Variants in NLGN1 observed in about 807,000 individuals in gnomAD.
The protein encoded by NLGN1 is neuroligin 1.
Under a neutral mutation model 65.5 loss-of-function variants are expected in NLGN1, and 12 were observed. The observed-to-expected ratio is 0.18, with a 90% CI of 0.12 to 0.30. The LOEUF (loss-of-function observed/expected upper bound fraction) is 0.30, where lower values mean the gene tolerates loss of function less well. Ranked by LOEUF, NLGN1 falls within the 10% of genes least tolerant of loss-of-function variation. The pLI is 1.00. For synonymous variants in NLGN1, 350 were observed against 359.5 expected (o/e 0.97, Z 0.30); for missense variants, 750 against 1,007.1 (o/e 0.74, Z 3.46).
rs184999378 is a variant in NLGN1, at chr3:173,511,595, T to C, written c.-321+76517T>C. 3.1e-3 allele frequency among the ~76,000 whole-genome samples: 468 copies of C among 152,344 alleles called. 7 individuals are homozygous for C. Among genetic ancestry groups the C allele is most frequent in the Admixed American group, 0.028 (434 of 15,302 alleles). On this transcript the variant is annotated intron_variant, in intron 2 of 6. Coordinates refer to ENST00000457714, the Ensembl canonical transcript of NLGN1. ...CTTTCTTTTCCTTCTGGTGTTCCCA[T>C]CACATGCTTGTTAGACCTTTTTTGG...
At chr3:173,681,229 A>T (rs562043459) in intron 3 of NLGN1, among the ~76,000 whole-genome samples, 1 of 152,330 alleles carries the variant, frequency 6.6e-6, no homozygotes, top group South Asian at 2.1e-4. Context: ...TGGTAAAGAA[A>T]TAGAAACATG....
At chr3:174,155,310 C>T (rs1725240333) in intron 4 of NLGN1, among the ~76,000 whole-genome samples, 1 of 151,196 alleles carries the variant, frequency 6.6e-6, no homozygotes, top group Non-Finnish European at 1.5e-5. Context: ...GAGAGGAACT[C>T]AGACTCCTTA....
intron 3 of NLGN1, among the ~76,000 whole-genome samples, chr3:173,738,195 G>A (rs1487108208): frequency 2.6e-5 from 4 of 151,872 alleles, no homozygotes; most frequent in Middle Eastern, 3.4e-3. Flanking sequence ...TTCATTTTAT[G>A]TGTAGTCTTT....
chr3:173,895,168 T>G (rs575795379), intron 4 of NLGN1, among the ~76,000 whole-genome samples: 2 of 152,254 alleles, frequency 1.3e-5, no homozygotes, highest in East Asian at 3.9e-4. Flanking sequence ...ACATTCACTT[T>G]GTATCCTTCC....
chr3:174,283,779 G>A (rs939374959), exon 7 of NLGN1: 1 of 151,364 alleles, frequency 6.6e-6, no homozygotes, highest in African/African-American at 2.4e-5. Flanking sequence ...TTTGACTGAG[G>A]TGGTTATGCT....
At chr3:173,502,036 C>A (rs1476434536) in intron 2 of NLGN1, among the ~76,000 whole-genome samples, 1 of 152,084 alleles carries the variant, frequency 6.6e-6, no homozygotes, top group Middle Eastern at 3.2e-3. Flanking sequence ...TAATGCTTGT[C>A]ATGACCTAGA....
intron 4 of NLGN1, among the ~76,000 whole-genome samples, chr3:173,861,827 C>T (rs915004314): frequency 8.0e-5 from 12 of 150,782 alleles, no homozygotes; most frequent in East Asian, 2.0e-4. Flanking sequence ...GGTGTGATCT[C>T]GGCTCACTGC....
At chr3:174,043,460 G>A (rs902163864) in intron 4 of NLGN1, among the ~76,000 whole-genome samples, 24 of 152,216 alleles carry the variant, frequency 1.6e-4, no homozygotes, top group African/African-American at 5.3e-4. Context: ...TAGGGGTACA[G>A]GCATAGGTAA....
At chr3:173,830,285 T>C (rs114637985) in intron 4 of NLGN1, among the ~76,000 whole-genome samples, 217 of 152,258 alleles carry the variant, frequency 1.4e-3, no homozygotes, top group African/African-American at 5.1e-3. Flanking sequence ...CCAAGGGAAG[T>C]CATGTAGCCA....
At chr3:174,051,045 A>T (rs1734723098) in intron 4 of NLGN1, among the ~76,000 whole-genome samples, 1 of 152,098 alleles carries the variant, frequency 6.6e-6, no homozygotes, top group South Asian at 2.1e-4. Flanking sequence ...AGAGGCCTCC[A>T]GCTCCCTAAA....
chr3:173,918,709 T>G (rs926061435), intron 4 of NLGN1, among the ~76,000 whole-genome samples: 23 of 145,896 alleles, frequency 1.6e-4, no homozygotes, highest in Non-Finnish European at 2.7e-4. Context: ...TGTGTATATA[T>G]ATATATTGCA....
chr3:173,419,221 A>G (rs1410103502), intron 1 of NLGN1, among the ~76,000 whole-genome samples: 1 of 151,092 alleles, frequency 6.6e-6, no homozygotes, highest in African/African-American at 2.4e-5. Flanking sequence ...GACAAAGTAC[A>G]TGAGTATACA....
intron 1 of NLGN1, among the ~76,000 whole-genome samples, chr3:173,422,928 A>G (rs1156624266): frequency 1.3e-5 from 2 of 152,200 alleles, no homozygotes; most frequent in Non-Finnish European, 2.9e-5. Context: ...TGCTATAAAG[A>G]TACTATCTGA....
At position 173,714,441 on chromosome 3, in the gene NLGN1, G is replaced by A. The variant is rs529194913; in HGVS notation, c.494-93239G>A. On this transcript the variant is annotated intron_variant, in intron 3 of 6. Coordinates refer to ENST00000457714, the Ensembl canonical transcript of NLGN1. ...TATATTGGATTAATTCTTAGGCTAG[G>A]AGAAATGGTGATGAAAAAGGCACTG... Among the ~76,000 whole-genome samples, 177 of 152,272 alleles carry A rather than the reference G, an allele frequency of 1.2e-3. 2 individuals are homozygous for A. The highest frequency in any genetic ancestry group is 4.1e-3 in the African/African-American group (172 of 41,556).
intron 3 of NLGN1, among the ~76,000 whole-genome samples, chr3:173,707,980 G>A (rs532019911): frequency 1.7e-4 from 26 of 152,158 alleles, no homozygotes; most frequent in African/African-American, 6.3e-4. Context: ...TATCATAAAT[G>A]TATCACCACA....
chr3:174,093,975 T>C (rs920446733), intron 4 of NLGN1, among the ~76,000 whole-genome samples: 17 of 152,132 alleles, frequency 1.1e-4, no homozygotes, highest in African/African-American at 2.2e-4. Flanking sequence ...GTGAGGAAAT[T>C]TTGTTTTCCA....
intron 4 of NLGN1, among the ~76,000 whole-genome samples, chr3:173,831,587 A>G (rs907513285): frequency 3.3e-5 from 5 of 152,204 alleles, no homozygotes; most frequent in Admixed American, 2.0e-4. Context: ...TTAAATTTCA[A>G]ATAAAAAAGT....
chr3:174,170,013 C>T (rs1195883085), intron 4 of NLGN1, among the ~76,000 whole-genome samples: 1 of 152,230 alleles, frequency 6.6e-6, no homozygotes, highest in East Asian at 1.9e-4. Flanking sequence ...CTCTCACATA[C>T]TGGGGCTTCA....
intron 3 of NLGN1, among the ~76,000 whole-genome samples, chr3:173,727,865 G>T (rs1772064373): frequency 6.6e-6 from 1 of 152,142 alleles, no homozygotes; most frequent in Non-Finnish European, 1.5e-5. Context: ...GAAGGCAATG[G>T]AGACAATAAA....
Sources: gnomAD v4.1 joint callset for allele counts (sites outside exome capture counted in the v4.1 genomes callset) on GRCh38, gnomAD v4.1.1 for gene constraint, MANE v1.5 for transcripts, NCBI Gene and HGNC (gene_info 2026-07-23, HGNC 2026-07-21) for gene names.